The following TRAPPC9 variants were observed in gnomAD, a reference collection of about 807,000 sequenced individuals.
The protein encoded by TRAPPC9 is IKK2 binding protein.
TRAPPC9 carries 83 observed loss-of-function variants against 124.0 expected under a neutral mutation model. The ratio of observed to expected loss-of-function variants is 0.67; its 90% CI spans 0.56 to 0.80. The LOEUF (loss-of-function observed/expected upper bound fraction) is 0.80, where lower values mean the gene tolerates loss of function less well. Ranked by LOEUF, TRAPPC9 falls within the 30% of genes least tolerant of loss-of-function variation. The probability of loss-of-function intolerance (pLI) is 0.00; values close to 1 mark genes in which losing one functional copy is unlikely to be tolerated. For missense variants in TRAPPC9, 1,302 were observed against 1,508.3 expected (o/e 0.86, Z 2.27); for synonymous variants, 638 against 617.5 (o/e 1.03, Z -0.49).
chr8:139,978,383 A>C (rs925979236), intron 19 of TRAPPC9, among the ~76,000 whole-genome samples: 2 of 152,240 alleles, frequency 1.3e-5, no homozygotes, highest in African/African-American at 4.8e-5. Context: ...AAATTTAAAC[A>C]CCGGCTGGGT....
intron 21 of TRAPPC9, among the ~76,000 whole-genome samples, chr8:139,759,596 G>A (rs915273807): frequency 7.9e-5 from 12 of 152,176 alleles, no homozygotes; most frequent in Non-Finnish European, 1.6e-4. Flanking sequence ...AACGAGCCTG[G>A]CGATTTTTCA....
rs554611578 is a variant in TRAPPC9, at chr8:140,013,754, C to G, written c.2699+10183G>C. 2.0e-5 allele frequency among the ~76,000 whole-genome samples: 3 copies of G among 152,338 alleles called. No homozygotes were observed. In the South Asian group the frequency reaches 6.2e-4, roughly 32 times the overall value. On this transcript the variant is annotated intron_variant, in intron 18 of 22. Coordinates refer to ENST00000438773, the MANE Select transcript of TRAPPC9 (RefSeq NM_001160372.4). ...AAGGAAAATGACAACCACCAATTTTCAATTATCTGCCTTGTGTCAGGCACT... is the reference window on the plus strand; with the variant it reads ...AAGGAAAATGACAACCACCAATTTTGAATTATCTGCCTTGTGTCAGGCACT...
intron 17 of TRAPPC9, among the ~76,000 whole-genome samples, chr8:140,141,413 T>C (rs747067470): frequency 2.6e-5 from 4 of 152,174 alleles, no homozygotes; most frequent in Non-Finnish European, 5.9e-5. Flanking sequence ...GTTATCAGAT[T>C]TTTTTAAAAC....
rs1822432523 is a variant in TRAPPC9 at position 139,788,552 on chromosome 8, G to A, written c.3056-56350C>T. On this transcript the variant is annotated intron_variant, in intron 21 of 22. Transcript: ENST00000438773. This position sits in a 1 kb window ranked among gnomAD's most constrained non-coding sequence, Gnocchi z 4.9. Reference sequence around the variant, plus strand: ...GGGGCATGGCAGCTGCTCAGGCAGTGCCAGCAGACCCTGGCATGGAGGTCC... The same window carrying A: ...GGGGCATGGCAGCTGCTCAGGCAGTACCAGCAGACCCTGGCATGGAGGTCC... Among the ~76,000 whole-genome samples, 1 of 152,194 alleles carries A rather than the reference G, an allele frequency of 6.6e-6. No homozygotes were observed. The highest frequency in any genetic ancestry group is 1.9e-4 in the East Asian group (1 of 5,176).
chr8:139,949,508 G>A (rs757648362), intron 19 of TRAPPC9, among the ~76,000 whole-genome samples: 2 of 152,142 alleles, frequency 1.3e-5, no homozygotes, highest in Non-Finnish European at 2.9e-5. Context: ...TCCATCAATC[G>A]ATAAACCACT....
chr8:140,358,476 G>A (rs1470593363), intron 9 of TRAPPC9, among the ~76,000 whole-genome samples: 2 of 152,164 alleles, frequency 1.3e-5, no homozygotes, highest in African/African-American at 4.8e-5. Context: ...CAAAGAGATC[G>A]GATTACAGGA....
rs572856584 is a variant in TRAPPC9, at chr8:139,988,519, C to T, written c.2810+207G>A. 4.0e-5 allele frequency among the ~76,000 whole-genome samples: 6 copies of T among 151,218 alleles called. No homozygotes were observed. In the East Asian group the frequency reaches 6.0e-4, roughly 15 times the overall value. Reference sequence around the variant, plus strand: ...TGTTGCTACTTCCTCAGACGCCATCCGGCTTTACCTACTTTGCACTTAGCT... The same window carrying T: ...TGTTGCTACTTCCTCAGACGCCATCTGGCTTTACCTACTTTGCACTTAGCT... On this transcript the variant is annotated intron_variant, in intron 19 of 22. Coordinates refer to ENST00000438773, the MANE Select transcript of TRAPPC9 (RefSeq NM_001160372.4).
intron 10 of TRAPPC9, among the ~76,000 whole-genome samples, chr8:140,309,578 C>G (rs1021636597): frequency 1.3e-5 from 2 of 152,226 alleles, no homozygotes; most frequent in Admixed American, 1.3e-4. Context: ...AGCTTCATAA[C>G]ATTCTACTAG....
intron 20 of TRAPPC9, among the ~76,000 whole-genome samples, chr8:139,891,525 T>TG (rs1830342062): frequency 6.6e-6 from 1 of 152,220 alleles, no homozygotes; most frequent in Non-Finnish European, 1.5e-5. Flanking sequence ...GGCTGGGCCC[T>TG]GGGCTGGATG....
At position 139,925,821 on chromosome 8, in the gene TRAPPC9, G is replaced by A. The variant is rs796271920; in HGVS notation, c.2811-15521C>T. On this transcript the variant is annotated intron_variant, in intron 19 of 22. Coordinates refer to ENST00000438773, the MANE Select transcript of TRAPPC9 (RefSeq NM_001160372.4). ...CTACCCAGCACACGCACACGCACAC[G>A]CACACGCACACACACACACACACAC... Among the ~76,000 whole-genome samples, 34 of 146,056 alleles carry A rather than the reference G, an allele frequency of 2.3e-4. No individual in the cohort carries two copies. The East Asian group carries it at 5.8e-3, about 25-fold the overall frequency.
At position 140,275,064 on chromosome 8, in the gene TRAPPC9, C is replaced by T. The variant is rs182514466; in HGVS notation, c.2278+594G>A. Among the ~76,000 whole-genome samples the T allele has an allele frequency of 4.9e-4, 74 of 152,322 alleles. 1 individual carries two copies. Among genetic ancestry groups the T allele is most frequent in the African/African-American group, 1.7e-3 (70 of 41,572 alleles). On this transcript the variant is annotated intron_variant, in intron 15 of 22. Coordinates refer to ENST00000438773, the MANE Select transcript of TRAPPC9 (RefSeq NM_001160372.4). ...TACATTCCCCTTTGATCAATGCACT[C>T]GCCAGCCTCTGACACACCAGGTGTC...
intron 4 of TRAPPC9, among the ~76,000 whole-genome samples, chr8:140,433,539 G>A (rs1588347172): frequency 6.6e-6 from 1 of 152,098 alleles, no homozygotes; most frequent in Non-Finnish European, 1.5e-5. Flanking sequence ...GCAGTGAGCC[G>A]AGATTGAGCC....
chr8:139,913,672 C>T (rs1052644246), intron 19 of TRAPPC9, among the ~76,000 whole-genome samples: 27 of 152,302 alleles, frequency 1.8e-4, no homozygotes, highest in African/African-American at 5.3e-4. Context: ...GGATGGCCGA[C>T]GCTGGCAAAA....
Position 140,431,440 on chromosome 8 carries a change from T to C in TRAPPC9, c.859+3672A>G, listed in dbSNP as rs994204766. ...CGGCCTCGGCGACAGAGTGAGACTC[T>C]GTCTCAAAAAAAAAAATAAAAATAA... On this transcript the variant is annotated intron_variant, in intron 4 of 22. Coordinates refer to ENST00000438773, the MANE Select transcript of TRAPPC9 (RefSeq NM_001160372.4). Among the ~76,000 whole-genome samples, 4 of 151,628 alleles carry C rather than the reference T, an allele frequency of 2.6e-5. No homozygotes were observed. In the East Asian group the frequency reaches 5.8e-4, roughly 22 times the overall value.
intron 2 of TRAPPC9, among the ~76,000 whole-genome samples, chr8:140,449,653 T>G (rs2071387333): frequency 6.6e-6 from 1 of 152,194 alleles, no homozygotes; most frequent in Non-Finnish European, 1.5e-5. Flanking sequence ...AGCTCCCAGG[T>G]GGTATTTCTG....
intron 18 of TRAPPC9, among the ~76,000 whole-genome samples, chr8:140,001,676 A>T (rs1838413339): frequency 6.6e-6 from 1 of 152,048 alleles, no homozygotes; most frequent in Admixed American, 6.6e-5. Context: ...ACTACAAACA[A>T]CTCTCCTCAC....
At chr8:139,807,708 C>G (rs1212681205) in intron 21 of TRAPPC9, among the ~76,000 whole-genome samples, 1 of 152,166 alleles carries the variant, frequency 6.6e-6, no homozygotes, top group Admixed American at 6.5e-5. Flanking sequence ...GCTTAACACC[C>G]GAGAAATTCT....
chr8:140,340,603 GA>G (rs1277719416), intron 9 of TRAPPC9, among the ~76,000 whole-genome samples: 1 of 152,140 alleles, frequency 6.6e-6, no homozygotes, highest in African/African-American at 2.4e-5. Context: ...TTTTGCAGTT[GA>G]AAAACAGGCT....
intron 19 of TRAPPC9, among the ~76,000 whole-genome samples, chr8:139,986,457 A>G (rs1837243845): frequency 6.6e-6 from 1 of 152,196 alleles, no homozygotes; most frequent in African/African-American, 2.4e-5. Context: ...TTTTGCCAAC[A>G]ATTTCTTCTA....
Sources: gnomAD v4.1 joint callset for allele counts (sites outside exome capture counted in the v4.1 genomes callset) on GRCh38, gnomAD v4.1.1 for gene constraint, Gnocchi (gnomAD v3.1) non-coding constraint, MANE v1.5 for transcripts, NCBI Gene and HGNC (gene_info 2026-07-23, HGNC 2026-07-21) for gene names.